The following FERMT1 variants were observed in gnomAD, a reference collection of about 807,000 sequenced individuals.
FERMT1 encodes the protein FERM domain containing kindlin 1, also known as fermitin family homolog 1.
A neutral mutation model predicts 85.3 loss-of-function variants in FERMT1; 60 were observed. That is an observed-to-expected ratio of 0.70 (90% CI 0.57 to 0.87). FERMT1 has a LOEUF of 0.87. Ranked by LOEUF, FERMT1 falls within the 40% of genes least tolerant of loss-of-function variation. The pLI is 0.00. For synonymous variants in FERMT1, 275 were observed against 301.1 expected (o/e 0.91, Z 0.90); for missense variants, 701 against 818.9 (o/e 0.86, Z 1.76).
intron 7 of FERMT1, among the ~76,000 whole-genome samples, 168 bp from the exon 8 acceptor site, chr20:6,097,201 G>A (rs898220103): frequency 2.6e-5 from 4 of 152,072 alleles, no homozygotes; most frequent in Admixed American, 1.3e-4. Flanking sequence ...AACCTGAATC[G>A]TTCTGAGGTT....
rs1329411506 is a variant in FERMT1, at chr20:6,113,113, CTGT to C, written c.386-493_386-491del. Among the ~76,000 whole-genome samples the C allele has an allele frequency of 2.0e-5, 3 of 152,194 alleles. No individual in the cohort carries two copies. In the East Asian group the frequency reaches 5.8e-4, roughly 29 times the overall value. On this transcript the variant is annotated intron_variant, in intron 3 of 14. Transcript: ENST00000217289. Reference sequence around the variant, plus strand: ...ATTGAATCATGGGGGCAGGTCTTTCCTGTGCTGTTCTCATGATAGTGAATAAGT... The same window carrying C: ...ATTGAATCATGGGGGCAGGTCTTTCCGCTGTTCTCATGATAGTGAATAAGT...
intron 5 of FERMT1, 99 bp downstream of exon 5, chr20:6,110,199 C>G (rs1449287963): frequency 9.4e-7 from 1 of 1,059,276 alleles, no homozygotes; most frequent in Admixed American, 2.0e-5. Context: ...AAATAAAGCA[C>G]AATCCCTAGG....
At chr20:6,081,025 A>G (rs780591392) in intron 13 of FERMT1, among the ~76,000 whole-genome samples, 2 of 152,188 alleles carry the variant, frequency 1.3e-5, no homozygotes, top group Non-Finnish European at 2.9e-5. Context: ...AGTGATTCAC[A>G]TCTGAAATCC....
In FERMT1 at chr20:6,112,574, A is replaced by G. The variant is rs1982983645; in HGVS notation, c.435T>C (p.Tyr145=). Residue 145 remains tyrosine (Y), a synonymous_variant, in exon 4 of 15, where the codon TAT becomes TAC. Coordinates refer to ENST00000217289, the MANE Select transcript of FERMT1 (RefSeq NM_017671.5). ...ELSLLKPSGD[Y]FKKKKKKDKN... ...TGTCTTTTTTCTTCTTCTTCTTAAAATAGTCACCAGACGGCTTTAACAAGG... is the reference window on the plus strand; with the variant it reads ...TGTCTTTTTTCTTCTTCTTCTTAAAGTAGTCACCAGACGGCTTTAACAAGG... 1.9e-6 allele frequency: 3 copies of G among 1,605,800 alleles called. No homozygotes were observed. The highest frequency in any genetic ancestry group is 2.2e-5 in the South Asian group (2 of 89,696).
chr20:6,105,359 T>G (rs1982769859), intron 6 of FERMT1, among the ~76,000 whole-genome samples: 1 of 152,190 alleles, frequency 6.6e-6, no homozygotes, highest in Non-Finnish European at 1.5e-5. Flanking sequence ...TCCACAAGCT[T>G]GTATGAGGAA....
At chr20:6,090,440 A>G (rs916581777) in intron 9 of FERMT1, among the ~76,000 whole-genome samples, 1 of 152,002 alleles carries the variant, frequency 6.6e-6, no homozygotes, top group Non-Finnish European at 1.5e-5. Flanking sequence ...CCTTAACACA[A>G]AGATAGGAAA....
At chr20:6,100,958 A>G (rs1982645025) in intron 6 of FERMT1, among the ~76,000 whole-genome samples, 1 of 152,222 alleles carries the variant, frequency 6.6e-6, no homozygotes, top group Non-Finnish European at 1.5e-5. Context: ...AAATAATTTA[A>G]TAGAGTTTGT....
At chr20:6,103,382 T>C (rs1982711589) in intron 6 of FERMT1, among the ~76,000 whole-genome samples, 1 of 152,230 alleles carries the variant, frequency 6.6e-6, no homozygotes, top group Non-Finnish European at 1.5e-5. Context: ...TAACCGCCCC[T>C]GTATACCTAC....
intron 3 of FERMT1, among the ~76,000 whole-genome samples, 196 bp downstream of exon 3, chr20:6,115,615 C>T (rs868664488): frequency 5.9e-5 from 9 of 152,246 alleles, no homozygotes; most frequent in Middle Eastern, 3.4e-3. Flanking sequence ...GGAGATGTAC[C>T]TGATTTATGC....
At chr20:6,090,654 G>T (rs1430670310) in intron 9 of FERMT1, among the ~76,000 whole-genome samples, 1 of 151,950 alleles carries the variant, frequency 6.6e-6, no homozygotes, top group African/African-American at 2.4e-5. Context: ...TGGGAGGATT[G>T]GTTAAGCCTG....
rs1373484324 is a variant in FERMT1, at chr20:6,103,794, G to A, written c.849+3738C>T. ...TTTTTTTTTTTTTTTTTGGCCAGAT[G>A]TACAATTTTCATTTTTTATTAAAAT... On this transcript the variant is annotated intron_variant, in intron 6 of 14. Coordinates refer to ENST00000217289, the MANE Select transcript of FERMT1 (RefSeq NM_017671.5). 4.9e-5 allele frequency among the ~76,000 whole-genome samples: 5 copies of A among 102,742 alleles called. No individual in the cohort carries two copies. The South Asian group carries it at 1.6e-3, about 32-fold the overall frequency. 67.4% of individuals were successfully genotyped at this position (102,742 alleles called of 152,430 possible).
intron 2 of FERMT1, among the ~76,000 whole-genome samples, chr20:6,118,840 A>G (rs933923216): frequency 1.3e-5 from 2 of 152,154 alleles, no homozygotes; most frequent in Non-Finnish European, 2.9e-5. Flanking sequence ...TCTAATGCCA[A>G]GCTACTTAAA....
At chr20:6,091,390 C>T (rs1211156714) in intron 9 of FERMT1, among the ~76,000 whole-genome samples, 9 of 151,408 alleles carry the variant, frequency 5.9e-5, no homozygotes, top group East Asian at 2.0e-4. Context: ...CCACCACGGC[C>T]GGCTAATTTT....
rs1285278835 is a variant in FERMT1 at position 6,097,721 on chromosome 20, TAATC to T, written c.850-94_850-91del. On this transcript the variant is annotated intron_variant, in intron 6 of 14. Transcript: ENST00000217289. ...TGAAACAACTGAGGCCATTCTCTGT[TAATC>T]AGATGCAGCAAACTTCAGCTCAGGT... 6 of 903,618 alleles carry T rather than the reference TAATC, an allele frequency of 6.6e-6. No homozygotes were observed. The African/African-American group carries it at 8.2e-5, about 12-fold the overall frequency. 56.0% of individuals were successfully genotyped at this position (903,618 alleles called of 1,614,324 possible).
intron 8 of FERMT1, 100 bp downstream of exon 8, chr20:6,096,802 C>G: frequency 1.7e-4 from 40 of 237,394 alleles, no homozygotes; most frequent in Middle Eastern, 1.2e-3. Flanking sequence ...TTTTTTTTTT[C>G]AAAATCAGAT....
At position 6,122,982 on chromosome 20, in the gene FERMT1, C is replaced by T. The variant is rs1983325251; in HGVS notation, c.-227G>A. ...GGCGAAGCTGCCTCGGGACCTCCCA[C>T]GGAGGCTCGGTGCCTGCCCCCAGCC... On this transcript the variant is annotated 5_prime_UTR_variant, in exon 1 of 15. In the 5' UTR this introduces an upstream ATG that the reference lacks. Transcript: ENST00000217289. 1 of 152,286 alleles carries T rather than the reference C, an allele frequency of 6.6e-6. No individual in the cohort carries two copies. The highest frequency in any genetic ancestry group is 2.4e-5 in the African/African-American group (1 of 41,468). 9.4% of individuals were successfully genotyped at this position (152,286 alleles called of 1,614,324 possible). A position where few individuals can be genotyped will look rare whatever the true frequency, so the allele number is the denominator to read the frequency against.
At chr20:6,078,753 C>A (rs919791313) in intron 14 of FERMT1, among the ~76,000 whole-genome samples, 1 of 151,764 alleles carries the variant, frequency 6.6e-6, no homozygotes, top group Non-Finnish European at 1.5e-5. Context: ...CCTCCCAAAG[C>A]ACTGGGCAGA....
chr20:6,095,048 A>G (rs1364442838), intron 8 of FERMT1, 60 bp from the exon 9 acceptor site: 5 of 893,300 alleles, frequency 5.6e-6, no homozygotes, highest in African/African-American at 3.3e-5. Context: ...CTGATACTCA[A>G]CCTGCACTGT....
At position 6,085,254 on chromosome 20, in the gene FERMT1, T is replaced by C. The variant is rs1982140458; in HGVS notation, c.1405A>G (p.Met469Val). 5 of 1,613,986 alleles carry C rather than the reference T, an allele frequency of 3.1e-6. No individual in the cohort carries two copies. The highest frequency in any genetic ancestry group is 3.4e-4 in the Middle Eastern group (2 of 5,904). The change falls in exon 12 of 15, where the codon ATG (methionine) becomes GTG (valine). Residue 469 changes from methionine (M) to valine (V), a missense_variant. Coordinates refer to ENST00000217289, the MANE Select transcript of FERMT1 (RefSeq NM_017671.5). ...NQYAQWMAACMLASKGKTMAD... is the reference protein window; with the variant it reads ...NQYAQWMAACVLASKGKTMAD... ...ATGGTTTTGCCCTTCGATGCCAACA[T>C]GCAGGCAGCCATCCATTGGGCGTAT...
Sources: gnomAD v4.1 joint callset for allele counts (sites outside exome capture counted in the v4.1 genomes callset) on GRCh38, gnomAD v4.1.1 for gene constraint, MANE v1.5 for transcripts, NCBI Gene and HGNC (gene_info 2026-07-23, HGNC 2026-07-21) for gene names.